MIA2: variants seen among roughly 807,000 people sequenced by gnomAD.
The protein encoded by MIA2 is MIA SH3 domain ER export factor 2, also known as melanoma inhibitory activity protein 2.
Under a neutral mutation model 167.8 loss-of-function variants are expected in MIA2, and 127 were observed. The ratio of observed to expected loss-of-function variants is 0.76; its 90% CI spans 0.66 to 0.88. The LOEUF (loss-of-function observed/expected upper bound fraction) is 0.88. Among genes scored for constraint, MIA2 ranks in the 40% least tolerant of loss-of-function variants. The probability of loss-of-function intolerance (pLI) is 0.00; values close to 1 mark genes in which losing one functional copy is unlikely to be tolerated. For missense variants in MIA2, 1,690 were observed against 1,624.7 expected, an observed-to-expected ratio of 1.04 and a Z score of -0.69; for synonymous variants, 552 against 541.9, an observed-to-expected ratio of 1.02 and a Z score of -0.26.
chr14:39,267,592 G>T, intron 6 of MIA2: 1 of 1,577,956 alleles, frequency 6.3e-7, no homozygotes, highest in South Asian at 1.1e-5. Context: ...GGAAGCAGTA[G>T]ACCGGCTTTG....
chr14:39,277,998 G>T (rs1165153049), intron 7 of MIA2, among the ~76,000 whole-genome samples: 1 of 151,002 alleles, frequency 6.6e-6, no homozygotes, highest in Non-Finnish European at 1.5e-5. Context: ...TTTGAGACAG[G>T]ATTTCACTCC....
At chr14:39,363,268 A>G (rs1196515600) in intron 23 of MIA2, among the ~76,000 whole-genome samples, 2 of 152,194 alleles carry the variant, frequency 1.3e-5, no homozygotes, top group Non-Finnish European at 2.9e-5. Flanking sequence ...TGTGGCTCAC[A>G]CCTGTAATCT....
chr14:39,358,549 A>T (rs1595936911), intron 23 of MIA2, among the ~76,000 whole-genome samples: 1 of 151,680 alleles, frequency 6.6e-6, no homozygotes, highest in African/African-American at 2.4e-5. Context: ...CCTTCTCTCA[A>T]CCCGTTAAAG....
At chr14:39,266,758 G>A (rs1566625615) in intron 6 of MIA2, 1 of 985,214 alleles carries the variant, frequency 1.0e-6, no homozygotes, top group Non-Finnish European at 1.2e-6. Flanking sequence ...GACTTCTGCA[G>A]GGCGCAGACA....
At position 39,294,951 on chromosome 14, in the gene MIA2, A is replaced by G; in HGVS notation, c.2418A>G (p.Gln806=). The part of the protein sequence containing the change: ...AEAKMTFKIF[Q]MNEERLKIAI... ...CCAAAATGACCTTCAAGATATTTCA[A>G]ATGAATGAAGAACGACTGAAGATAG... is the stretch of plus-strand genomic sequence containing the variant. Residue 806 remains glutamine (Q), a synonymous_variant, in exon 13 of 29, where the codon CAA becomes CAG. Transcript: ENST00000640607. 1 of 1,613,094 alleles carries G rather than the reference A, an allele frequency of 6.2e-7. No homozygotes were observed. Among genetic ancestry groups the G allele is most frequent in the Non-Finnish European group, 8.5e-7 (1 of 1,179,582 alleles).
intron 25 of MIA2, among the ~76,000 whole-genome samples, chr14:39,343,577 T>C (rs563096410): frequency 6.6e-6 from 1 of 152,346 alleles, no homozygotes; most frequent in Admixed American, 6.5e-5. Context: ...AGTACACTTA[T>C]TCCCACTCCT....
chr14:39,307,119 A>G (rs1004740083), intron 17 of MIA2, among the ~76,000 whole-genome samples: 1 of 152,080 alleles, frequency 6.6e-6, no homozygotes, highest in South Asian at 2.1e-4. Context: ...CTTGACTTAT[A>G]TGTCAAAATT....
At chr14:39,300,082 A>G in intron 14 of MIA2, 96 bp downstream of exon 14, 1 of 1,467,128 alleles carries the variant, frequency 6.8e-7, no homozygotes, top group Non-Finnish European at 9.2e-7. Context: ...TTATTTTCAC[A>G]ACATATTTTC....
At chr14:39,385,786 TG>T in intron 23 of MIA2, 2 of 872,020 alleles carry the variant, frequency 2.3e-6, no homozygotes, top group Non-Finnish European at 4.0e-6. Context: ...ATTTAATTGC[TG>T]TTGCCTCTGG....
intron 23 of MIA2, among the ~76,000 whole-genome samples, chr14:39,320,688 T>G (rs890386853): frequency 2.0e-5 from 3 of 152,216 alleles, no homozygotes; most frequent in African/African-American, 7.2e-5. Context: ...ATCTTTTTAT[T>G]CCCAGTTCGT....
chr14:39,240,188 C>G (rs1566585212), intron 2 of MIA2, among the ~76,000 whole-genome samples: 3 of 152,214 alleles, frequency 2.0e-5, no homozygotes, highest in Admixed American at 6.5e-5. Context: ...ACTACTCCAT[C>G]TAGCTTGGCT....
intron 14 of MIA2, among the ~76,000 whole-genome samples, chr14:39,301,790 C>T (rs757795124): frequency 4.6e-5 from 7 of 152,098 alleles, no homozygotes; most frequent in Non-Finnish European, 1.0e-4. Flanking sequence ...TTTGGTGTCA[C>T]ACAGAATTTA....
chr14:39,337,980 C>T (rs1170540311), intron 25 of MIA2, among the ~76,000 whole-genome samples: 1 of 152,180 alleles, frequency 6.6e-6, no homozygotes, highest in African/African-American at 2.4e-5. Flanking sequence ...ACCTCGGCCT[C>T]CCAAAGTGCT....
At chr14:39,327,051 C>G in intron 25 of MIA2, 29 bp downstream of exon 25, 1 of 1,424,290 alleles carries the variant, frequency 7.0e-7, no homozygotes, top group East Asian at 2.7e-5. Context: ...TATTATTTCT[C>G]TTTGAAAGGC....
chr14:39,280,262 C>T (rs2058723192), intron 9 of MIA2, among the ~76,000 whole-genome samples: 1 of 151,852 alleles, frequency 6.6e-6, no homozygotes, highest in South Asian at 2.1e-4. Flanking sequence ...AGTTTTATAA[C>T]AAGCCTTAGT....
At position 39,279,557 on chromosome 14, in the gene MIA2, AATATTCATG is replaced by A. The variant is rs776886067; in HGVS notation, c.2130+21_2130+29del. 6.7e-7 allele frequency: 1 copy of A among 1,497,200 alleles called. No homozygotes were observed. Among genetic ancestry groups the A allele is most frequent in the East Asian group, 2.3e-5 (1 of 44,254 alleles). The allele number at this position is 1,497,200 out of a possible 1,614,324, so 92.7% of individuals were successfully genotyped here. On this transcript the variant is annotated intron_variant, in intron 9 of 28. Transcript: ENST00000640607. ...AAAGAGGTAAGATATTTTTGAAAAT[AATATTCATG>A]TTAGAGTCAGAGAACTTTATACTTC...
In MIA2 at chr14:39,386,503, C is replaced by T; in HGVS notation, c.2249-382C>T. 2.1e-6 allele frequency: 3 copies of T among 1,443,690 alleles called. No individual in the cohort carries two copies. In the South Asian group the frequency reaches 3.7e-5, roughly 18 times the overall value. 89.4% of individuals were successfully genotyped at this position (1,443,690 alleles called of 1,614,324 possible). On this transcript the variant is annotated intron_variant, in intron 23 of 23. Transcript: ENST00000341502. ...CCTGTACTTCAGGAGACTTGGGATT[C>T]TTGGCCTTTTTTTTTATATTCACAT... is the stretch of plus-strand genomic sequence containing the variant.
chr14:39,290,799 G>T (rs1252226113), intron 9 of MIA2, among the ~76,000 whole-genome samples: 1 of 152,164 alleles, frequency 6.6e-6, no homozygotes, highest in East Asian at 1.9e-4. Context: ...TAGAGGTGAA[G>T]TTCTGGCATT....
At chr14:39,303,348 A>G in intron 15 of MIA2, 130 bp from the exon 16 acceptor site, 1 of 676,348 alleles carries the variant, frequency 1.5e-6, no homozygotes, top group South Asian at 2.1e-5. Context: ...CTTTATACCA[A>G]ATTCTTTATT....
Sources: gnomAD v4.1 joint callset for allele counts (sites outside exome capture counted in the v4.1 genomes callset) on GRCh38, gnomAD v4.1.1 for gene constraint, MANE v1.5 for transcripts, NCBI Gene and HGNC (gene_info 2026-07-23, HGNC 2026-07-21) for gene names.